The following TRAPPC13 variants were observed in gnomAD, a reference collection of about 807,000 sequenced individuals.
The protein encoded by TRAPPC13 is trafficking protein particle complex subunit 13, also known as REV7-interacting novel NHEJ regulator 1.
Under a neutral mutation model 54.0 loss-of-function variants are expected in TRAPPC13, and 39 were observed. The ratio of observed to expected loss-of-function variants is 0.72; its 90% CI spans 0.56 to 0.94. The LOEUF (loss-of-function observed/expected upper bound fraction) is 0.94. TRAPPC13 is among the 40% of genes least tolerant of loss of function. TRAPPC13 has a pLI of 0.00. For missense variants in TRAPPC13, 386 were observed against 488.1 expected (o/e 0.79, Z 1.97); for synonymous variants, 148 against 167.7 (o/e 0.88, Z 0.91).
intron 5 of TRAPPC13, among the ~76,000 whole-genome samples, chr5:65,649,260 G>T (rs1377808485): frequency 6.6e-6 from 1 of 151,912 alleles, no homozygotes; most frequent in Non-Finnish European, 1.5e-5. Flanking sequence ...TAACACAATT[G>T]TACAGTGTTT....
chr5:65,656,784 T>C (rs1344577550), intron 8 of TRAPPC13, among the ~76,000 whole-genome samples: 4 of 152,040 alleles, frequency 2.6e-5, no homozygotes. Flanking sequence ...CACTTGCCCG[T>C]AATCCCAGTT....
chr5:65,640,464 G>T (rs1178551008), intron 4 of TRAPPC13, among the ~76,000 whole-genome samples: 1 of 152,154 alleles, frequency 6.6e-6, no homozygotes, highest in Non-Finnish European at 1.5e-5. Flanking sequence ...TTTTATCTGT[G>T]GCTGATTTCC....
intron 5 of TRAPPC13, among the ~76,000 whole-genome samples, chr5:65,647,815 C>G (rs768538531): frequency 2.6e-5 from 4 of 152,124 alleles, no homozygotes; most frequent in African/African-American, 9.7e-5. Context: ...TTTATCTCTT[C>G]TTCATCTCTA....
At chr5:65,653,261 C>CA (rs1459363729) in intron 7 of TRAPPC13, among the ~76,000 whole-genome samples, 5 of 152,010 alleles carry the variant, frequency 3.3e-5, no homozygotes, top group Non-Finnish European at 5.9e-5. Flanking sequence ...TCTTATGCCC[C>CA]AAAATCTTGT....
rs1414974156 is a variant in TRAPPC13 at position 65,664,912 on chromosome 5, T to C, written c.*301T>C. ...GAGACCATTTGTCCCTAGCAAGTTA[T>C]CTAGAACACGAGTCAGCACACTTTT... On this transcript the variant is annotated 3_prime_UTR_variant, in exon 13 of 13. Coordinates refer to ENST00000399438, the MANE Select transcript of TRAPPC13 (RefSeq NM_024941.4). 2 of 363,604 alleles carry C rather than the reference T, an allele frequency of 5.5e-6. No homozygotes were observed. Among genetic ancestry groups the C allele is most frequent in the South Asian group, 2.9e-5 (1 of 34,686 alleles). The allele number at this position is 363,604 out of a possible 1,614,324, so 22.5% of individuals were successfully genotyped here. A position where few individuals can be genotyped will look rare whatever the true frequency, so the allele number is the denominator to read the frequency against.
In TRAPPC13 at chr5:65,657,354, C is replaced by T. The variant is rs901095611; in HGVS notation, c.565-1014C>T. Among the ~76,000 whole-genome samples the T allele has an allele frequency of 2.0e-5, 3 of 152,206 alleles. No individual in the cohort carries two copies. The South Asian group carries it at 6.2e-4, about 32-fold the overall frequency. On this transcript the variant is annotated intron_variant, in intron 8 of 12. Coordinates refer to ENST00000399438, the MANE Select transcript of TRAPPC13 (RefSeq NM_024941.4). ...CCAAGATCACCCCACCACACTCCAG[C>T]CTGGGTGACAGAATGAGACTGTCTC...
At chr5:65,645,130 A>G (rs974563473) in intron 4 of TRAPPC13, among the ~76,000 whole-genome samples, 2 of 146,164 alleles carry the variant, frequency 1.4e-5, no homozygotes, top group Non-Finnish European at 3.0e-5. Context: ...CCTGGTAGGC[A>G]GAGGTTGCAG....
intron 9 of TRAPPC13, among the ~76,000 whole-genome samples, chr5:65,658,718 TTTTATTTA>T (rs745951858): frequency 1.3e-5 from 2 of 151,090 alleles, no homozygotes; most frequent in African/African-American, 4.8e-5. Flanking sequence ...TTATTTTTAT[TTTTATTTA>T]TTTATTTATT....
At chr5:65,661,286 G>T (rs547342994) in intron 10 of TRAPPC13, 1 of 154,242 alleles carries the variant, frequency 6.5e-6, no homozygotes, top group Admixed American at 6.5e-5. Flanking sequence ...CCATTTTTAA[G>T]ATGTTAAAAA....
chr5:65,664,484 A>ATCTCTC lies in TRAPPC13; in HGVS notation c.1147-11_1147-6dup, dbSNP rs3830443. 2.6e-4 allele frequency: 382 copies of ATCTCTC among 1,483,972 alleles called. No individual in the cohort carries two copies. Among genetic ancestry groups the ATCTCTC allele is most frequent in the African/African-American group, 3.6e-4 (26 of 71,336 alleles). The allele number at this position is 1,483,972 out of a possible 1,614,324, so 91.9% of individuals were successfully genotyped here. A position where few individuals can be genotyped will look rare whatever the true frequency, so the allele number is the denominator to read the frequency against. On this transcript the variant is annotated intron_variant, in intron 12 of 12. Transcript: ENST00000399438. The stretch of plus-strand genomic sequence containing the variant: ...TCTGAATGAATGAAAACTTAGACTC[A>ATCTCTC]TCTCTCTCTCTCTCAATAGAGCATC...
At chr5:65,651,649 G>GGGT (rs1756442999) in intron 6 of TRAPPC13, among the ~76,000 whole-genome samples, 2 of 150,436 alleles carry the variant, frequency 1.3e-5, no homozygotes, top group South Asian at 4.3e-4. Context: ...ATTTATGTGG[G>GGGT]GGGGGTGGTG....
At chr5:65,652,574 A>C (rs1443287092) in intron 7 of TRAPPC13, 29 bp downstream of exon 7, 8 of 1,513,158 alleles carry the variant, frequency 5.3e-6, no homozygotes, top group Non-Finnish European at 7.3e-6. Flanking sequence ...ATGGGATTTC[A>C]TATTAAACAT....
At position 65,630,700 on chromosome 5, in the gene TRAPPC13, A is replaced by G. The variant is rs1020718129; in HGVS notation, c.47-4601A>G. ...TTTTTAAAAAATAAAACTCGAAACA[A>G]TTCTCTTTGGAGTGCTATTTATGTG... On this transcript the variant is annotated intron_variant, in intron 1 of 12. Coordinates refer to ENST00000399438, the MANE Select transcript of TRAPPC13 (RefSeq NM_024941.4). 5.0e-5 allele frequency: 49 copies of G among 989,132 alleles called. No homozygotes were observed. The East Asian group carries it at 3.5e-3, about 70-fold the overall frequency. 61.3% of individuals were successfully genotyped at this position (989,132 alleles called of 1,614,324 possible).
chr5:65,632,047 A>T (rs1755566746), intron 1 of TRAPPC13, among the ~76,000 whole-genome samples: 1 of 152,148 alleles, frequency 6.6e-6, no homozygotes, highest in Admixed American at 6.5e-5. Flanking sequence ...AAGTGAACTT[A>T]CCAGCCTGGG....
chr5:65,627,155 A>AAAAAAAAAAAAAAAAAAAAAAAAAC (rs1755280030), intron 1 of TRAPPC13, among the ~76,000 whole-genome samples: 1 of 149,450 alleles, frequency 6.7e-6, no homozygotes. Context: ...AAAAAAAAAA[A>AAAAAAAAAAAAAAAAAAAAAAAAAC]AAGAACAATA....
intron 4 of TRAPPC13, among the ~76,000 whole-genome samples, chr5:65,638,752 G>A (rs1755858239): frequency 6.6e-6 from 1 of 152,200 alleles, no homozygotes; most frequent in South Asian, 2.1e-4. Context: ...AGCAGGCAAA[G>A]AGAGAGAGCT....
At chr5:65,646,914 T>G (rs1756232334) in intron 4 of TRAPPC13, 141 bp from the exon 5 acceptor site, 1 of 764,190 alleles carries the variant, frequency 1.3e-6, no homozygotes, top group South Asian at 2.3e-5. Flanking sequence ...TACAGAAAGG[T>G]TTACACATAA....
At chr5:65,637,359 C>T (rs468834) in intron 3 of TRAPPC13, among the ~76,000 whole-genome samples, 90,055 of 151,484 alleles carry the variant, frequency 0.59, 27,091 homozygotes, top group South Asian at 0.64. Flanking sequence ...CTGATGGGCA[C>T]AGTGGCTCAC....
intron 6 of TRAPPC13, among the ~76,000 whole-genome samples, 162 bp from the exon 7 acceptor site, chr5:65,652,339 C>CTT (rs11354403): frequency 0.045 from 5,218 of 116,120 alleles, 314 homozygotes; most frequent in African/African-American, 0.11. Context: ...TTTTTCTTTT[C>CTT]TTTTTTTTTT....
Sources: gnomAD v4.1 joint callset for allele counts (sites outside exome capture counted in the v4.1 genomes callset) on GRCh38, gnomAD v4.1.1 for gene constraint, MANE v1.5 for transcripts, NCBI Gene and HGNC (gene_info 2026-07-23, HGNC 2026-07-21) for gene names.